ST6GALNAC6: variants seen among roughly 807,000 people sequenced by gnomAD.
ST6GALNAC6 encodes the protein ST6 N-acetylgalactosaminide alpha-2,6-sialyltransferase 6.
A neutral mutation model predicts 34.3 loss-of-function variants in ST6GALNAC6; 19 were observed. That is an observed-to-expected ratio of 0.55 (90% confidence interval 0.39 to 0.81). ST6GALNAC6 has a LOEUF of 0.81. Ranked by LOEUF, ST6GALNAC6 falls within the 40% of genes least tolerant of loss-of-function variation. The pLI, the probability that ST6GALNAC6 is intolerant of heterozygous loss-of-function variation, is 0.00. For missense variants in ST6GALNAC6, 377 were observed against 467.7 expected, an observed-to-expected ratio of 0.81 and a Z score of 1.79; for synonymous variants, 185 against 182.1, an observed-to-expected ratio of 1.02 and a Z score of -0.13.
At chr9:127,891,101 A>G in intron 4 of ST6GALNAC6, 58 bp from the exon 5 acceptor site, 2 of 1,574,974 alleles carry the variant, frequency 1.3e-6, no homozygotes, top group South Asian at 1.2e-5. Flanking sequence ...CCTGTGCTCC[A>G]TACATCCAGG....
At position 127,890,422 on chromosome 9, in the gene ST6GALNAC6, C is replaced by T. The variant is rs765136612; in HGVS notation, c.704+215G>A. 6.6e-6 allele frequency among the ~76,000 whole-genome samples: 1 copy of T among 152,138 alleles called. No individual in the cohort carries two copies. The highest frequency in any genetic ancestry group is 1.9e-4 in the East Asian group (1 of 5,188). On this transcript the variant is annotated intron_variant, in intron 5 of 6. Transcript: ENST00000373146. The surrounding 1 kb of genome is among the most constrained non-coding windows in gnomAD (Gnocchi z 4.3). ...CACAGCAAGGTATGCCAGGAGAAAG[C>T]CCTCTTGGACAAACCAGGCCATGCA...
Position 127,886,746 on chromosome 9 carries a change from C to A in ST6GALNAC6, c.855G>T (p.Glu285Asp). 1 of 1,612,946 alleles carries A rather than the reference C, an allele frequency of 6.2e-7. No homozygotes were observed. Among genetic ancestry groups the A allele is most frequent in the Non-Finnish European group, 8.5e-7 (1 of 1,179,220 alleles). The change falls in exon 7 of 7, where the codon GAG (glutamate) becomes GAT (aspartate). Residue 285 changes from glutamate to aspartate, a missense_variant. By Grantham distance (45) the Glu-to-Asp change is conservative. Coordinates refer to ENST00000373146, the MANE Select transcript of ST6GALNAC6 (RefSeq NM_013443.5). ...RLQRMPYHYY[E>D]PKGPDECVTY... Reference sequence around the variant, plus strand: ...TGACACATTCGTCCGGCCCCTTGGGCTCGTAGTAGTGGTAGGGCATGCGCT... The same window carrying A: ...TGACACATTCGTCCGGCCCCTTGGGATCGTAGTAGTGGTAGGGCATGCGCT...
At chr9:127,889,345 T>G (rs573096862) in intron 5 of ST6GALNAC6, among the ~76,000 whole-genome samples, 13 of 22,272 alleles carry the variant, frequency 5.8e-4, no homozygotes, top group Admixed American at 3.2e-3. Context: ...AGACTCCCTC[T>G]CAAAAAAAAA....
At chr9:127,901,975 G>A (rs890201176), upstream of ST6GALNAC6, among the ~76,000 whole-genome samples, 2 of 152,080 alleles carry the variant, frequency 1.3e-5, no homozygotes, top group African/African-American at 4.8e-5. Context: ...AGAACAATGG[G>A]GGAGGAATCA....
rs201870201 is a variant in ST6GALNAC6, at chr9:127,886,783, C to T, written c.818G>A (p.Arg273Gln). 5.6e-6 allele frequency: 9 copies of T among 1,604,114 alleles called. No homozygotes were observed. In the Admixed American group the frequency reaches 6.7e-5, roughly 12 times the overall value. Residue 273 changes from arginine to glutamine, a missense_variant, in exon 7 of 7, where the codon CGG becomes CAG. By Grantham distance (43) the Arg-to-Gln change is conservative. Coordinates refer to ENST00000373146, the MANE Select transcript of ST6GALNAC6 (RefSeq NM_013443.5). ...GTAGGGCATGCGCTGGAGGCGGGGC[C>T]GCTGGCTGGGACAGAGCAGACGGGC... ...GMVPPNYCSQRPRLQRMPYHY... is the reference protein window; with the variant it reads ...GMVPPNYCSQQPRLQRMPYHY...
Position 127,887,390 on chromosome 9 carries a change from G to A in ST6GALNAC6, c.812+94C>T, listed in dbSNP as rs1182597406. The A allele has an allele frequency of 2.0e-5, 20 of 1,000,074 alleles. No individual in the cohort carries two copies. In the South Asian group the frequency reaches 2.7e-4, roughly 13 times the overall value. 62.0% of individuals were successfully genotyped at this position (1,000,074 alleles called of 1,614,324 possible). ...AAACAATGAAGCAGAGGCCCTCAAA[G>A]GCACCTTCAGCCAAGGTTTCCAGCC... On this transcript the variant is annotated intron_variant, in intron 6 of 6. Transcript: ENST00000373146.
At position 127,890,288 on chromosome 9, in the gene ST6GALNAC6, A is replaced by G. The variant is rs1196439758; in HGVS notation, c.704+349T>C. 6.6e-6 allele frequency among the ~76,000 whole-genome samples: 1 copy of G among 152,172 alleles called. No homozygotes were observed. The highest frequency in any genetic ancestry group is 1.5e-5 in the Non-Finnish European group (1 of 68,024). On this transcript the variant is annotated intron_variant, in intron 5 of 6. Coordinates refer to ENST00000373146, the MANE Select transcript of ST6GALNAC6 (RefSeq NM_013443.5). The surrounding 1 kb of genome is among the most constrained non-coding windows in gnomAD (Gnocchi z 4.3). Reference sequence around the variant, plus strand: ...GCTTAAGGCAAGACATGCTGGGAACAGTCAAGACTTTACATTGGGTACACT... The same window carrying G: ...GCTTAAGGCAAGACATGCTGGGAACGGTCAAGACTTTACATTGGGTACACT...
At chr9:127,899,450 C>CCCCCCCCAA in intron 1 of ST6GALNAC6, 53 bp downstream of exon 1, 2 of 813,840 alleles carry the variant, frequency 2.5e-6, no homozygotes, top group Middle Eastern at 6.3e-4. Flanking sequence ...TCCGCCCCAG[C>CCCCCCCCAA]CCCCGCCTCC....
chr9:127,901,621 A>C (rs1050485379), upstream of ST6GALNAC6, among the ~76,000 whole-genome samples: 25 of 150,470 alleles, frequency 1.7e-4, no homozygotes, highest in Non-Finnish European at 1.9e-4. Flanking sequence ...TCTCAAAAAA[A>C]TAAAATAAAA....
Position 127,891,831 on chromosome 9 carries a change from C to G in ST6GALNAC6, c.298-788G>C, listed in dbSNP as rs143949880. Among the ~76,000 whole-genome samples, 436 of 151,002 alleles carry G rather than the reference C, an allele frequency of 2.9e-3. 8 individuals carry two copies. In the East Asian group the frequency reaches 0.067, roughly 23 times the overall value. On this transcript the variant is annotated intron_variant, in intron 4 of 6. Coordinates refer to ENST00000373146, the MANE Select transcript of ST6GALNAC6 (RefSeq NM_013443.5). ...GAAACAGGGGCAAGTGACCAAAGAGCGACTGCAGCCAGGGCACTTTAGGAG... is the reference window on the plus strand; with the variant it reads ...GAAACAGGGGCAAGTGACCAAAGAGGGACTGCAGCCAGGGCACTTTAGGAG...
rs1232129195 is a variant in ST6GALNAC6 at position 127,886,679 on chromosome 9, G to A, written c.922C>T (p.Arg308Cys). 1.2e-6 allele frequency: 2 copies of A among 1,614,148 alleles called. No individual in the cohort carries two copies. The highest frequency in any genetic ancestry group is 1.1e-5 in the South Asian group (1 of 91,070). ...NEHSRKGNHH[R>C]FITEKRVFSS... Reference sequence around the variant, plus strand: ...AAGACCCTTTTCTCGGTGATGAAGCGGTGGTGGTTGCCCTTGCGACTGTGC... The same window carrying A: ...AAGACCCTTTTCTCGGTGATGAAGCAGTGGTGGTTGCCCTTGCGACTGTGC... The change falls in exon 7 of 7, where the codon CGC becomes TGC. Residue 308 changes from arginine to cysteine, a missense_variant. Transcript: ENST00000373146.
At chr9:127,896,430 C>T (rs1001182789) in intron 2 of ST6GALNAC6, 98 bp from the exon 3 acceptor site, 5 of 1,041,034 alleles carry the variant, frequency 4.8e-6, no homozygotes, top group African/African-American at 4.8e-5. Flanking sequence ...CTTCTATGCA[C>T]CCAGAACTTT....
chr9:127,906,387 C>T (rs2131611493), upstream of ST6GALNAC6, among the ~76,000 whole-genome samples: 1 of 152,232 alleles, frequency 6.6e-6, no homozygotes, highest in East Asian at 1.9e-4. Context: ...GCCCGAGGCC[C>T]TGGCCCAGTC....
At chr9:127,886,838 G>A (rs1466945276) in intron 6 of ST6GALNAC6, 50 bp from the exon 7 acceptor site, 2 of 1,516,816 alleles carry the variant, frequency 1.3e-6, no homozygotes, top group Non-Finnish European at 1.8e-6. Flanking sequence ...CGCTGGCAGG[G>A]TCCTTGCCCT....
At chr9:127,886,844 G>A in intron 6 of ST6GALNAC6, 56 bp from the exon 7 acceptor site, 14 of 1,504,852 alleles carry the variant, frequency 9.3e-6, no homozygotes, top group Non-Finnish European at 1.2e-5. Context: ...CAGGGTCCTT[G>A]CCCTTTCAGC....
At chr9:127,902,729 C>A (rs1405544854), upstream of ST6GALNAC6, among the ~76,000 whole-genome samples, 1 of 150,410 alleles carries the variant, frequency 6.6e-6, no homozygotes, top group Non-Finnish European at 1.5e-5. Flanking sequence ...GCTGGGACTA[C>A]AGGCGTGTGC....
chr9:127,896,517 C>T (rs1172711934), intron 2 of ST6GALNAC6, among the ~76,000 whole-genome samples, 185 bp from the exon 3 acceptor site: 4 of 152,220 alleles, frequency 2.6e-5, no homozygotes, highest in African/African-American at 7.2e-5. Context: ...TGAGGTCACA[C>T]AGCCTGGTGG....
Position 127,899,485 on chromosome 9 carries a change from C to T in ST6GALNAC6, c.-30+18G>A. On this transcript the variant is annotated intron_variant, in intron 1 of 6. Transcript: ENST00000373146. The stretch of plus-strand genomic sequence containing the variant: ...CGCCCCCGCCCCCGCGGCCTGCTCC[C>T]GCGCGGCGCCTGCTCACCTCCGGCG... 3 of 972,916 alleles carry T rather than the reference C, an allele frequency of 3.1e-6. No individual in the cohort carries two copies. Among genetic ancestry groups the T allele is most frequent in the Non-Finnish European group, 3.7e-6 (3 of 819,748 alleles). 60.3% of individuals were successfully genotyped at this position (972,916 alleles called of 1,614,324 possible). A position where few individuals can be genotyped will look rare whatever the true frequency, so the allele number is the denominator to read the frequency against.
chr9:127,901,597 A>G (rs946231526), upstream of ST6GALNAC6, among the ~76,000 whole-genome samples: 83 of 150,548 alleles, frequency 5.5e-4, no homozygotes, highest in Middle Eastern at 3.4e-3. Context: ...CCTGGGCGAC[A>G]GAGAGAGACT....
Sources: allele counts gnomAD v4.1 joint callset (sites outside exome capture counted in the v4.1 genomes callset), GRCh38; gene constraint gnomAD v4.1.1; non-coding constraint Gnocchi (gnomAD v3.1); transcripts MANE v1.5; gene names NCBI Gene and HGNC (gene_info 2026-07-23, HGNC 2026-07-21).